The following FRMD6 variants were observed in gnomAD, a reference collection of about 807,000 sequenced individuals.
The protein encoded by FRMD6 is FERM domain containing 6.
In FRMD6, 37 loss-of-function variants were observed where a neutral mutation model predicts 73.2. The observed-to-expected ratio is 0.51, with a 90% CI of 0.39 to 0.66. FRMD6 has a LOEUF of 0.66. Ranked by LOEUF, FRMD6 falls within the 30% of genes least tolerant of loss-of-function variation. The pLI is 0.00. For synonymous variants in FRMD6, 273 were observed against 282.2 expected (o/e 0.97, Z 0.33); for missense variants, 714 against 780.5 (o/e 0.91, Z 1.02).
intron 2 of FRMD6, among the ~76,000 whole-genome samples, chr14:51,582,990 C>G (rs924933430): frequency 6.6e-6 from 1 of 152,126 alleles, no homozygotes; most frequent in Non-Finnish European, 1.5e-5. Flanking sequence ...TACTTTCTCG[C>G]CTTTCCTGCA....
chr14:51,527,024 T>A (rs1043996039), intron 1 of FRMD6, among the ~76,000 whole-genome samples: 1 of 152,280 alleles, frequency 6.6e-6, no homozygotes, highest in African/African-American at 2.4e-5. Context: ...GCCCTGATAA[T>A]GTATCCACAA....
the FRMD6 span, among the ~76,000 whole-genome samples, chr14:51,458,486 C>T: frequency 2.6e-5 from 4 of 152,142 alleles, no homozygotes; most frequent in Non-Finnish European, 5.9e-5. Context: ...TGGGTTAAGT[C>T]CTTTGAAGTT....
the FRMD6 span, among the ~76,000 whole-genome samples, chr14:51,426,376 G>T: frequency 6.6e-6 from 1 of 151,992 alleles, no homozygotes; most frequent in South Asian, 2.1e-4. Flanking sequence ...CCACCTGCAA[G>T]CCCCACTCCC....
chr14:51,607,413 A>C (rs1011477302), intron 2 of FRMD6, among the ~76,000 whole-genome samples: 1 of 152,220 alleles, frequency 6.6e-6, no homozygotes, highest in Non-Finnish European at 1.5e-5. Flanking sequence ...ATGAAGACCA[A>C]AGAAAGAATT....
chr14:51,624,631 T>C (rs1158553876), intron 2 of FRMD6, among the ~76,000 whole-genome samples: 2 of 152,210 alleles, frequency 1.3e-5, no homozygotes, highest in African/African-American at 4.8e-5. Flanking sequence ...CTATCTTTTA[T>C]AAAATGGCCT....
At chr14:51,546,135 T>C (rs551777525) in intron 1 of FRMD6, among the ~76,000 whole-genome samples, 57 of 152,324 alleles carry the variant, frequency 3.7e-4, no homozygotes, top group Middle Eastern at 3.4e-3. Context: ...TGATAAATCA[T>C]AGAATTCCTG....
chr14:51,495,263 A>C (rs1455158515), intron 1 of FRMD6, among the ~76,000 whole-genome samples: 1 of 152,240 alleles, frequency 6.6e-6, no homozygotes, highest in Non-Finnish European at 1.5e-5. Flanking sequence ...AATGGCCTTC[A>C]TATCCATATT....
intron 2 of FRMD6, among the ~76,000 whole-genome samples, chr14:51,620,259 T>A (rs981325336): frequency 6.6e-6 from 1 of 152,160 alleles, no homozygotes; most frequent in Admixed American, 6.5e-5. Context: ...GAATGTCTCC[T>A]CTAGAATTTA....
intron 1 of FRMD6, among the ~76,000 whole-genome samples, chr14:51,557,477 G>A (rs1305477879): frequency 1.3e-5 from 2 of 152,074 alleles, no homozygotes; most frequent in Non-Finnish European, 2.9e-5. Context: ...GTTATCAGGG[G>A]CTAGGGCAAG....
chr14:51,720,077 T>C lies in FRMD6; in HGVS notation c.1047T>C (p.Ser349=), dbSNP rs111643867. The C allele has an allele frequency of 2.0e-3, 3,147 of 1,613,096 alleles. 47 individuals carry two copies. In the African/African-American group the frequency reaches 0.037, roughly 19 times the overall value. ...ENEEKKQYRE[S]YISDNLDLDM... Reference sequence around the variant, plus strand: ...TAGAGAAGAAGCAGTACCGGGAATCTTACATCAGTGACAACCTGGACCTCG... The same window carrying C: ...TAGAGAAGAAGCAGTACCGGGAATCCTACATCAGTGACAACCTGGACCTCG... The change falls in exon 11 of 14, where the codon TCT becomes TCC. Residue 349 remains serine, a synonymous_variant. Coordinates refer to ENST00000344768, the MANE Select transcript of FRMD6 (RefSeq NM_001267046.2).
chr14:51,614,423 C>T (rs534655509), intron 2 of FRMD6, among the ~76,000 whole-genome samples: 5 of 152,140 alleles, frequency 3.3e-5, no homozygotes, highest in South Asian at 2.1e-4. Context: ...ATATTTTCAC[C>T]GGTCACACTA....
At chr14:51,399,851 A>G in the FRMD6 span, among the ~76,000 whole-genome samples, 3 of 152,198 alleles carry the variant, frequency 2.0e-5, no homozygotes, top group African/African-American at 4.8e-5. Flanking sequence ...AGGTTTTGTT[A>G]GATAAGGCAA....
chr14:51,583,900 G>A (rs1888876661), intron 2 of FRMD6, among the ~76,000 whole-genome samples: 1 of 152,062 alleles, frequency 6.6e-6, no homozygotes. Flanking sequence ...GAGAAGCTGG[G>A]GTTTAGAAAT....
the FRMD6 span, among the ~76,000 whole-genome samples, chr14:51,422,860 A>G: frequency 2.6e-5 from 4 of 152,322 alleles, no homozygotes; most frequent in South Asian, 6.2e-4. Flanking sequence ...CTCTAGAAAC[A>G]TGGTAGGATT....
chr14:51,647,631 A>G (rs1892136909), upstream of FRMD6, among the ~76,000 whole-genome samples: 1 of 152,176 alleles, frequency 6.6e-6, no homozygotes, highest in African/African-American at 2.4e-5. Context: ...GAATCTCAGT[A>G]ATTACCAAAA....
At position 51,702,561 on chromosome 14, in the gene FRMD6, A is replaced by G; in HGVS notation, c.344A>G (p.Tyr115Cys). Residue 115 changes from tyrosine to cysteine, a missense_variant, in exon 5 of 14, where the codon TAC (tyrosine) becomes TGC (cysteine). Transcript: ENST00000344768. ...ATGATCATCCACTTCCGTGTGCAGT[A>G]CTATGTGGAAAATGGCAGATTGATC... ...PPMIIHFRVQ[Y>C]YVENGRLISD... is the part of the protein sequence containing the mutation. 1 of 1,611,924 alleles carries G rather than the reference A, an allele frequency of 6.2e-7. No homozygotes were observed. The highest frequency in any genetic ancestry group is 2.2e-5 in the East Asian group (1 of 44,836).
intron 1 of FRMD6, among the ~76,000 whole-genome samples, chr14:51,663,199 C>T (rs1279884107): frequency 6.6e-6 from 1 of 152,212 alleles, no homozygotes; most frequent in East Asian, 1.9e-4. Flanking sequence ...TTGTGGAAGA[C>T]AGTGTGGTGA....
chr14:51,627,740 TC>T (rs1891172100), intron 2 of FRMD6, among the ~76,000 whole-genome samples: 1 of 152,170 alleles, frequency 6.6e-6, no homozygotes, highest in Non-Finnish European at 1.5e-5. Context: ...GACCTGCTTC[TC>T]CCCTTCACTC....
chr14:51,445,419 G>T, the FRMD6 span, among the ~76,000 whole-genome samples: 1 of 151,786 alleles, frequency 6.6e-6, no homozygotes, highest in Non-Finnish European at 1.5e-5. Context: ...AAGTCCCCAG[G>T]TTTCCTAGTC....
Sources: gnomAD v4.1 joint callset for allele counts (sites outside exome capture counted in the v4.1 genomes callset) on GRCh38, gnomAD v4.1.1 for gene constraint, MANE v1.5 for transcripts, NCBI Gene and HGNC (gene_info 2026-07-23, HGNC 2026-07-21) for gene names.